Variants in HS3ST3B1 observed in about 807,000 individuals in gnomAD.
The protein encoded by HS3ST3B1 is heparan sulfate glucosamine 3-O-sulfotransferase 3B1.
Under a neutral mutation model 21.3 loss-of-function variants are expected in HS3ST3B1, and 13 were observed. The observed-to-expected ratio is 0.61, with a 90% CI of 0.40 to 0.97. The LOEUF (loss-of-function observed/expected upper bound fraction) is 0.97. HS3ST3B1 is among the 50% of genes least tolerant of loss of function. The pLI, the probability that HS3ST3B1 is intolerant of heterozygous loss-of-function variation, is 0.00. For synonymous variants in HS3ST3B1, 234 were observed against 254.8 expected (o/e 0.92, Z 0.78); for missense variants, 459 against 554.8 (o/e 0.83, Z 1.73).
chr17:14,324,991 A>T (rs1175079324), intron 1 of HS3ST3B1, among the ~76,000 whole-genome samples: 1 of 152,242 alleles, frequency 6.6e-6, no homozygotes, highest in African/African-American at 2.4e-5. Flanking sequence ...GTGGGAATAT[A>T]AGGTGGACCC....
intron 1 of HS3ST3B1, among the ~76,000 whole-genome samples, chr17:14,332,328 T>G (rs375264523): frequency 2.0e-5 from 3 of 152,280 alleles, no homozygotes; most frequent in Admixed American, 6.5e-5. Flanking sequence ...CGGCCTACTC[T>G]TTCTTTTTCC....
chr17:14,312,681 C>T (rs1909344151), intron 1 of HS3ST3B1, among the ~76,000 whole-genome samples: 1 of 151,906 alleles, frequency 6.6e-6, no homozygotes, highest in Non-Finnish European at 1.5e-5. Context: ...GCTCCCATCC[C>T]CTCCTCTACC....
At position 14,303,451 on chromosome 17, in the gene HS3ST3B1, A is replaced by G. The variant is rs77690302; in HGVS notation, c.554+1379A>G. ...TTTTTATTATTGTCAGGAGTTGCCC[A>G]AGTCTCGAGGTTTAGCCAACCGTGA... On this transcript the variant is annotated intron_variant, in intron 1 of 1. Coordinates refer to ENST00000360954, the MANE Select transcript of HS3ST3B1 (RefSeq NM_006041.3). The surrounding 1 kb of genome is among the most constrained non-coding windows in gnomAD (Gnocchi z 5.7). Among the ~76,000 whole-genome samples, 2,555 of 152,178 alleles carry G rather than the reference A, an allele frequency of 0.017. 89 individuals are homozygous for G. The highest frequency in any genetic ancestry group is 0.14 in the South Asian group (688 of 4,808).
chr17:14,301,676 G>A lies in HS3ST3B1; in HGVS notation c.158G>A (p.Gly53Asp), dbSNP rs1274255131. The change falls in exon 1 of 2, where the codon GGC (glycine) becomes GAC (aspartate). Residue 53 changes from glycine (G) to aspartate (D), a missense_variant. Gly to Asp is a moderately conservative substitution (Grantham distance 94). This residue lies in a region of HS3ST3B1 where 317 missense variants were observed against 278.6 expected (regional missense o/e 1.14). Transcript: ENST00000360954. ...TATATGTTCCTGTACTCGTGCGCCGGCTCCTGCGCCGCCGCGCCGGGGCTG... is the reference window on the plus strand; with the variant it reads ...TATATGTTCCTGTACTCGTGCGCCGACTCCTGCGCCGCCGCGCCGGGGCTG... ...WLYMFLYSCAGSCAAAPGLLL... is the reference protein window; with the variant it reads ...WLYMFLYSCADSCAAAPGLLL... The A allele has an allele frequency of 1.9e-6, 3 of 1,601,512 alleles. No homozygotes were observed. The highest frequency in any genetic ancestry group is 2.6e-6 in the Non-Finnish European group (3 of 1,176,090).
At chr17:14,324,499 C>G (rs957968713) in intron 1 of HS3ST3B1, among the ~76,000 whole-genome samples, 1 of 152,216 alleles carries the variant, frequency 6.6e-6, no homozygotes, top group Non-Finnish European at 1.5e-5. Flanking sequence ...AATCCTCCAG[C>G]CTTAGCTTCC....
chr17:14,313,124 G>GTGTGTATATATATATATATATA (rs1567637231), intron 1 of HS3ST3B1, among the ~76,000 whole-genome samples: 17,050 of 124,832 alleles, frequency 0.14, 1,479 homozygotes, highest in East Asian at 0.31. Context: ...ATATATATAT[G>GTGTGTATATATATATATATATA]TGTGTGTGTG....
At chr17:14,333,920 G>A (rs1381224474) in intron 1 of HS3ST3B1, among the ~76,000 whole-genome samples, 2 of 152,146 alleles carry the variant, frequency 1.3e-5, no homozygotes, top group African/African-American at 4.8e-5. Flanking sequence ...GTGCCACCAC[G>A]ACCAGCTAAC....
chr17:14,339,573 C>T (rs1049576106), intron 1 of HS3ST3B1, among the ~76,000 whole-genome samples: 3 of 152,140 alleles, frequency 2.0e-5, no homozygotes, highest in Admixed American at 6.5e-5. Flanking sequence ...AAGCAAGTCA[C>T]CCTCTCTCCT....
chr17:14,347,324 G>A lies in HS3ST3B1; in HGVS notation c.*1678G>A, dbSNP rs1910609637. On this transcript the variant is annotated 3_prime_UTR_variant, in exon 2 of 2. Transcript: ENST00000360954. ...AGTTGGGTAACCAGATAGCAATATA[G>A]TGGCAATTGAGTAGCCATATAGTAA... 1 of 152,222 alleles carries A rather than the reference G, an allele frequency of 6.6e-6. No individual in the cohort carries two copies. The highest frequency in any genetic ancestry group is 6.5e-5 in the Admixed American group (1 of 15,292). 9.4% of individuals were successfully genotyped at this position (152,222 alleles called of 1,614,324 possible).
chr17:14,332,729 G>T (rs1164571631), intron 1 of HS3ST3B1, among the ~76,000 whole-genome samples: 3 of 151,718 alleles, frequency 2.0e-5, no homozygotes, highest in Non-Finnish European at 4.4e-5. Flanking sequence ...AGCAGCTGAG[G>T]CCAAGGAGCG....
chr17:14,302,972 G>C (rs912038362), intron 1 of HS3ST3B1, among the ~76,000 whole-genome samples: 2 of 152,188 alleles, frequency 1.3e-5, no homozygotes, highest in African/African-American at 2.4e-5. Flanking sequence ...TTCTGTTCTC[G>C]AGTCGGGTTG....
rs753498928 is a variant in HS3ST3B1, at chr17:14,345,578, C to A, written c.1105C>A (p.Arg369Ser). The A allele has an allele frequency of 1.8e-5, 28 of 1,592,656 alleles. No homozygotes were observed. In the South Asian group the frequency reaches 3.2e-4, roughly 18 times the overall value. The change falls in exon 2 of 2, where the codon CGC (arginine) becomes AGC (serine). Residue 369 changes from arginine to serine, a missense_variant. Arg to Ser is a moderately radical substitution (Grantham distance 110). Around this residue, in one of 3 missense-constraint regions of HS3ST3B1, gnomAD observed 127 missense variants for 209.9 expected, o/e 0.60. Coordinates refer to ENST00000360954, the MANE Select transcript of HS3ST3B1 (RefSeq NM_006041.3). ...CGACCGCGAGGTGGTGCGCAGGCTG[C>A]GCGAGTTCTACCGGCCTTTCAACCT... ...EIDREVVRRL[R>S]EFYRPFNLKF...
At chr17:14,304,149 G>C (rs929269243) in intron 1 of HS3ST3B1, 2 of 152,234 alleles carry the variant, frequency 1.3e-5, no homozygotes, top group Admixed American at 1.3e-4. Flanking sequence ...GAGCGGCCAC[G>C]CATGGCGGCT....
intron 1 of HS3ST3B1, among the ~76,000 whole-genome samples, chr17:14,319,766 T>G (rs1909600489): frequency 6.6e-6 from 1 of 152,112 alleles, no homozygotes; most frequent in Non-Finnish European, 1.5e-5. Flanking sequence ...CACTATAGGC[T>G]GGAAGTCAGG....
intron 1 of HS3ST3B1, among the ~76,000 whole-genome samples, chr17:14,308,114 G>A (rs980265010): frequency 2.0e-5 from 3 of 152,118 alleles, no homozygotes; most frequent in African/African-American, 4.8e-5. Flanking sequence ...GGAACTCTCG[G>A]GTTTCTCTCA....
intron 1 of HS3ST3B1, among the ~76,000 whole-genome samples, chr17:14,318,255 C>A (rs2016418): frequency 0.5 from 75,647 of 151,908 alleles, 19,070 homozygotes; most frequent in Admixed American, 0.55. Context: ...CTGGGCCCTG[C>A]CACCTCTCCT....
chr17:14,303,680 A>C lies in HS3ST3B1; in HGVS notation c.554+1608A>C, dbSNP rs1295830625. On this transcript the variant is annotated intron_variant, in intron 1 of 1. Transcript: ENST00000360954. This position sits in a 1 kb window ranked among gnomAD's most constrained non-coding sequence, Gnocchi z 5.7. The stretch of plus-strand genomic sequence containing the variant: ...GCGCTGGTACGGTAAGGTGCCTCGC[A>C]GGCACGTGAGGGCCTCTCTAATCGT... Among the ~76,000 whole-genome samples the C allele has an allele frequency of 6.6e-6, 1 of 152,148 alleles. No individual in the cohort carries two copies. The highest frequency in any genetic ancestry group is 1.5e-5 in the Non-Finnish European group (1 of 68,034).
At chr17:14,316,241 C>T (rs1175039501) in intron 1 of HS3ST3B1, among the ~76,000 whole-genome samples, 1 of 152,218 alleles carries the variant, frequency 6.6e-6, no homozygotes, top group Non-Finnish European at 1.5e-5. Context: ...GCACCCTCCC[C>T]CTGGCCCCAG....
chr17:14,314,039 G>A (rs1909420051), intron 1 of HS3ST3B1, among the ~76,000 whole-genome samples: 1 of 152,028 alleles, frequency 6.6e-6, no homozygotes, highest in Admixed American at 6.5e-5. Context: ...GAGTGCAGTG[G>A]CACGATCTCG....
Sources: gnomAD v4.1 joint callset for allele counts (sites outside exome capture counted in the v4.1 genomes callset) on GRCh38, gnomAD v4.1.1 for gene constraint, gnomAD v4.1.1 regional missense constraint, Gnocchi (gnomAD v3.1) non-coding constraint, MANE v1.5 for transcripts, NCBI Gene and HGNC (gene_info 2026-07-23, HGNC 2026-07-21) for gene names.